The following SEPTIN8 variants were observed in gnomAD, a reference collection of about 807,000 sequenced individuals.
The protein encoded by SEPTIN8 is septin-8.
SEPTIN8 carries 22 observed loss-of-function variants against 53.1 expected under a neutral mutation model. That is an observed-to-expected ratio of 0.41 (90% CI 0.30 to 0.59). The LOEUF (loss-of-function observed/expected upper bound fraction) is 0.59. Ranked by LOEUF, SEPTIN8 falls within the 20% of genes least tolerant of loss-of-function variation. The pLI is 0.24. For synonymous variants in SEPTIN8, 228 were observed against 248.4 expected, an observed-to-expected ratio of 0.92 and a Z score of 0.77; for missense variants, 536 against 638.7, an observed-to-expected ratio of 0.84 and a Z score of 1.73.
chr5:132,768,704 C>A (rs1316896188), intron 1 of SEPTIN8, among the ~76,000 whole-genome samples: 1 of 152,224 alleles, frequency 6.6e-6, no homozygotes, highest in Non-Finnish European at 1.5e-5. Flanking sequence ...ATGCCATGAT[C>A]GGTGCAAGTA....
rs1433155910 is a variant in SEPTIN8 at position 132,764,338 on chromosome 5, T to C, written c.233A>G (p.Glu78Gly). The C allele has an allele frequency of 1.2e-6, 2 of 1,614,208 alleles. No individual in the cohort carries two copies. The highest frequency in any genetic ancestry group is 1.7e-5 in the Admixed American group (1 of 60,028). The change falls in exon 3 of 10, where the codon GAG becomes GGG. Residue 78 changes from glutamate (E) to glycine (G), a missense_variant. Physicochemically the swap from Glu to Gly is moderately conservative, Grantham distance 98. Coordinates refer to ENST00000378719, the MANE Select transcript of SEPTIN8 (RefSeq NM_001098811.2). Reference sequence around the variant, plus strand: ...CTGGGGCCGCAGGCGCACGCATGCCTCATGGTGACTGGCTTCCTCAGTCTC... The same window carrying C: ...CTGGGGCCGCAGGCGCACGCATGCCCCATGGTGACTGGCTTCCTCAGTCTC... The part of the protein sequence containing the change: ...TFETEEASHH[E>G]ACVRLRPQTY...
chr5:132,760,982 T>G lies in SEPTIN8; in HGVS notation c.1106A>C (p.Lys369Thr). Reference protein sequence around the residue: ...LKEKERELHEKFEHLKRVHQE... With the variant: ...LKEKERELHETFEHLKRVHQE... ...GTGGACCCGCTTCAGGTGCTCAAAC[T>G]TCTCATGGAGCTGGCATCAGAAAGG... Residue 369 changes from lysine (K) to threonine (T), a missense_variant, in exon 9 of 10, where the codon AAG becomes ACG. Lys to Thr is a moderately conservative substitution (Grantham distance 78). Coordinates refer to ENST00000378719, the MANE Select transcript of SEPTIN8 (RefSeq NM_001098811.2). The surrounding 1 kb of genome is among the most constrained non-coding windows in gnomAD (Gnocchi z 5.2). The G allele has an allele frequency of 6.3e-7, 1 of 1,580,548 alleles. No homozygotes were observed. The highest frequency in any genetic ancestry group is 8.6e-7 in the Non-Finnish European group (1 of 1,163,992).
chr5:132,761,856 ACCT>A lies in SEPTIN8; in HGVS notation c.734_736del (p.Glu245del), dbSNP rs763458373. On this transcript the variant is annotated inframe_deletion, in exon 6 of 10. Transcript: ENST00000378719. The surrounding 1 kb of genome is among the most constrained non-coding windows in gnomAD (Gnocchi z 5.8). ...TCGGACCAGCTTGTTCCCCACCTTC[ACCT>A]CCTCGGTGCTGCCCACCACGGCAAA... 7 of 1,604,590 alleles carry A rather than the reference ACCT, an allele frequency of 4.4e-6. No individual in the cohort carries two copies. The Admixed American group carries it at 1.0e-4, about 23-fold the overall frequency.
At chr5:132,774,673 A>G (rs1048355261) in intron 1 of SEPTIN8, among the ~76,000 whole-genome samples, 3 of 151,790 alleles carry the variant, frequency 2.0e-5, no homozygotes, top group Non-Finnish European at 4.4e-5. Context: ...TCAAAGTACA[A>G]CTCTGTATGC....
intron 9 of SEPTIN8, chr5:132,752,986 CCCGGG>C (rs1754994432): frequency 6.3e-7 from 1 of 1,597,110 alleles, no homozygotes; most frequent in East Asian, 2.2e-5. Context: ...CTGCCTCCAC[CCCGGG>C]GCTTTCAGAG....
intron 9 of SEPTIN8, chr5:132,754,464 T>C (rs1398947090): frequency 1.4e-6 from 1 of 717,474 alleles, no homozygotes; most frequent in South Asian, 1.5e-5. Context: ...CATCTGCTGC[T>C]TAACCAGGTG....
At chr5:132,758,023 G>C (rs1755503049) in intron 9 of SEPTIN8, 3 of 990,028 alleles carry the variant, frequency 3.0e-6, no homozygotes, top group Admixed American at 5.8e-5. Flanking sequence ...CTGTCTACAG[G>C]TAGCACCTCT....
At chr5:132,757,584 G>A (rs543025901) in intron 9 of SEPTIN8, 1 of 985,348 alleles carries the variant, frequency 1.0e-6, no homozygotes, top group East Asian at 1.1e-4. Flanking sequence ...TCCTTGAGGG[G>A]AGCGTTGTGC....
In SEPTIN8 at chr5:132,760,744, C is replaced by T. The variant is rs10463896; in HGVS notation, c.1286+58G>A. On this transcript the variant is annotated intron_variant, in intron 9 of 9. Coordinates refer to ENST00000378719, the MANE Select transcript of SEPTIN8 (RefSeq NM_001098811.2). This position sits in a 1 kb window ranked among gnomAD's most constrained non-coding sequence, Gnocchi z 5.2. ...CGAGAAGGGAGGTGAGGGACAAGAACGAAAGCAAGAGCCCACAGGAGCAAG... is the reference window on the plus strand; with the variant it reads ...CGAGAAGGGAGGTGAGGGACAAGAATGAAAGCAAGAGCCCACAGGAGCAAG... 5.9e-6 allele frequency: 9 copies of T among 1,525,488 alleles called. No homozygotes were observed. Among genetic ancestry groups the T allele is most frequent in the East Asian group, 2.2e-5 (1 of 44,486 alleles). 94.5% of individuals were successfully genotyped at this position (1,525,488 alleles called of 1,614,324 possible).
rs1049242081 is a variant in SEPTIN8, at chr5:132,771,988, T to C, written c.30+5120A>G. 2.2e-4 allele frequency among the ~76,000 whole-genome samples: 34 copies of C among 152,112 alleles called. 1 individual carries two copies. ...CCTGGGAGCCAAAGCATCTTTCTCC[T>C]ACAGTGGCAACAGAAAACTTGAGAG... On this transcript the variant is annotated intron_variant, in intron 1 of 9. Coordinates refer to ENST00000378719, the MANE Select transcript of SEPTIN8 (RefSeq NM_001098811.2).
At chr5:132,756,271 G>C (rs996092547) in intron 9 of SEPTIN8, 11 of 985,202 alleles carry the variant, frequency 1.1e-5, no homozygotes, top group Non-Finnish European at 1.3e-5. Context: ...CCCACAACTA[G>C]AAAGAACATA....
intron 9 of SEPTIN8, chr5:132,756,465 G>A: frequency 2.0e-6 from 2 of 985,412 alleles, no homozygotes; most frequent in Non-Finnish European, 2.4e-6. Flanking sequence ...CTGTAAGACA[G>A]CCCTAATAAA....
At position 132,756,368 on chromosome 5, in the gene SEPTIN8, A is replaced by G. The variant is rs1343832900; in HGVS notation, c.1287-4187T>C. ...TCCCCTTTCTCTCTCAATAGTCCCA[A>G]TTTGGGCAACGAATTATATGGTGAT... On this transcript the variant is annotated intron_variant, in intron 9 of 9. Transcript: ENST00000378719. The G allele has an allele frequency of 4.1e-6, 4 of 983,978 alleles. No individual in the cohort carries two copies. In the East Asian group the frequency reaches 4.5e-4, roughly 112 times the overall value. 61.0% of individuals were successfully genotyped at this position (983,978 alleles called of 1,614,324 possible).
intron 1 of SEPTIN8, among the ~76,000 whole-genome samples, chr5:132,770,063 GTATA>G (rs769360917): frequency 0.037 from 3,366 of 90,192 alleles, 105 homozygotes; most frequent in Middle Eastern, 0.11. Flanking sequence ...GTGTGTGTGT[GTATA>G]TATATATATA....
chr5:132,753,003 A>T, intron 9 of SEPTIN8: 1 of 1,543,026 alleles, frequency 6.5e-7, no homozygotes, highest in Non-Finnish European at 9.0e-7. Context: ...CTTTCAGAGC[A>T]TAGTGTGAAA....
At chr5:132,759,836 C>T (rs183810704) in intron 9 of SEPTIN8, among the ~76,000 whole-genome samples, 327 of 152,124 alleles carry the variant, frequency 2.1e-3, no homozygotes, top group Non-Finnish European at 3.5e-3. Context: ...GGTGGGTGGG[C>T]GAGGGTGAGC....
chr5:132,751,944 C>T lies in SEPTIN8; in HGVS notation c.*72G>A. 6.3e-7 allele frequency: 1 copy of T among 1,590,186 alleles called. No homozygotes were observed. Among genetic ancestry groups the T allele is most frequent in the South Asian group, 1.1e-5 (1 of 87,214 alleles). On this transcript the variant is annotated 3_prime_UTR_variant, in exon 10 of 10. Coordinates refer to ENST00000378719, the MANE Select transcript of SEPTIN8 (RefSeq NM_001098811.2). The stretch of plus-strand genomic sequence containing the variant: ...AAAAGTATGGCGTTTTCTGTTCTAA[C>T]ATTAAAAACCATGGTCTCCAGTTCC...
chr5:132,770,038 T>C (rs1427117319), intron 1 of SEPTIN8, among the ~76,000 whole-genome samples: 18 of 89,628 alleles, frequency 2.0e-4, no homozygotes, highest in Middle Eastern at 4.1e-3. Flanking sequence ...CACATATATA[T>C]ATATGTGTGT....
At chr5:132,759,819 T>A (rs1369755011) in intron 9 of SEPTIN8, among the ~76,000 whole-genome samples, 1 of 152,034 alleles carries the variant, frequency 6.6e-6, no homozygotes, top group Non-Finnish European at 1.5e-5. Context: ...AGCATGGCTG[T>A]GAATGAGGTG....
Sources: allele counts gnomAD v4.1 joint callset (sites outside exome capture counted in the v4.1 genomes callset), GRCh38; gene constraint gnomAD v4.1.1; non-coding constraint Gnocchi (gnomAD v3.1); transcripts MANE v1.5; gene names NCBI Gene and HGNC (gene_info 2026-07-23, HGNC 2026-07-21).